BLK: variants seen among roughly 807,000 people sequenced by gnomAD.
BLK encodes BLK proto-oncogene, Src family tyrosine kinase.
BLK carries 64 observed loss-of-function variants against 61.8 expected under a neutral mutation model. That is an observed-to-expected ratio of 1.03 (90% confidence interval 0.85 to 1.27). The LOEUF is 1.27. BLK is among the 50% of genes most tolerant of loss of function. The probability of loss-of-function intolerance (pLI) is 0.00; values close to 1 mark genes in which losing one functional copy is unlikely to be tolerated. For missense variants in BLK, 853 were observed against 660.5 expected, an observed-to-expected ratio of 1.29 and a Z score of -3.19; for synonymous variants, 351 against 272.0, an observed-to-expected ratio of 1.29 and a Z score of -2.86.
intron 1 of BLK, among the ~76,000 whole-genome samples, chr8:11,541,383 A>T (rs1206942283): frequency 6.6e-6 from 1 of 152,232 alleles, no homozygotes; most frequent in Non-Finnish European, 1.5e-5. Flanking sequence ...AAAATTTACC[A>T]ACATAATTTA....
intron 10 of BLK, chr8:11,560,781 C>T (rs1468267718): frequency 2.2e-6 from 1 of 445,574 alleles, no homozygotes; most frequent in Admixed American, 2.4e-5. Context: ...GCCTCAACCC[C>T]CTGCCCTGGA....
At chr8:11,546,668 C>T (rs540855709) in intron 3 of BLK, among the ~76,000 whole-genome samples, 7 of 152,306 alleles carry the variant, frequency 4.6e-5, no homozygotes, top group Non-Finnish European at 7.3e-5. Context: ...CTCCACCTCC[C>T]GGGTTCAAGA....
intron 1 of BLK, among the ~76,000 whole-genome samples, chr8:11,514,462 G>T (rs544271635): frequency 6.6e-6 from 1 of 152,258 alleles, no homozygotes; most frequent in African/African-American, 2.4e-5. Flanking sequence ...GGCCATCCCA[G>T]GTCTCAGAAG....
chr8:11,505,043 C>T (rs1218418673), intron 1 of BLK, among the ~76,000 whole-genome samples: 1 of 152,142 alleles, frequency 6.6e-6, no homozygotes, highest in Non-Finnish European at 1.5e-5. Flanking sequence ...GACACCCACA[C>T]ATATACACAC....
chr8:11,518,222 T>C (rs1037725644), intron 1 of BLK, among the ~76,000 whole-genome samples: 5 of 152,192 alleles, frequency 3.3e-5, no homozygotes, highest in Admixed American at 1.3e-4. Context: ...AAGCATGGAC[T>C]CTCAGAATCA....
Position 11,557,952 on chromosome 8 carries a change from C to G in BLK, c.953-10C>G. ...TTGCAGAAGGGCACTTGCAACTTCTCTTTTCTTAGGATGCCTGCTGGATTT... is the reference window on the plus strand; with the variant it reads ...TTGCAGAAGGGCACTTGCAACTTCTGTTTTCTTAGGATGCCTGCTGGATTT... On this transcript the variant is annotated splice_polypyrimidine_tract_variant and intron_variant, in intron 9 of 12. Transcript: ENST00000259089. 1 of 1,613,702 alleles carries G rather than the reference C, an allele frequency of 6.2e-7. No individual in the cohort carries two copies. Among genetic ancestry groups the G allele is most frequent in the Non-Finnish European group, 8.5e-7 (1 of 1,179,714 alleles).
chr8:11,526,808 G>T (rs991171082), intron 1 of BLK, among the ~76,000 whole-genome samples: 7 of 152,136 alleles, frequency 4.6e-5, no homozygotes, highest in Admixed American at 3.3e-4. Flanking sequence ...AACTTTTTCA[G>T]TTGAAAATCA....
chr8:11,559,925 C>T (rs898515061), intron 10 of BLK: 3 of 441,962 alleles, frequency 6.8e-6, no homozygotes, highest in Non-Finnish European at 1.4e-5. Flanking sequence ...TGGGCAGCTT[C>T]TTCTTGAAAG....
chr8:11,547,232 G>A (rs569408586), intron 3 of BLK, among the ~76,000 whole-genome samples: 1 of 152,248 alleles, frequency 6.6e-6, no homozygotes, highest in Non-Finnish European at 1.5e-5. Context: ...TAAAACTTCA[G>A]GGAACCACTG....
At position 11,521,052 on chromosome 8, in the gene BLK, A is replaced by C. The variant is rs1299857779; in HGVS notation, c.-1-22172A>C. On this transcript the variant is annotated intron_variant, in intron 1 of 12. Coordinates refer to ENST00000259089, the MANE Select transcript of BLK (RefSeq NM_001715.3). ...AAAAAAGAACTGAAACTGTATCATT[A>C]AACTGGAGTAATTAATTTATGTGGT... 2.6e-5 allele frequency among the ~76,000 whole-genome samples: 4 copies of C among 152,240 alleles called. No individual in the cohort carries two copies. In the East Asian group the frequency reaches 7.7e-4, roughly 29 times the overall value.
intron 1 of BLK, among the ~76,000 whole-genome samples, chr8:11,534,307 C>T (rs977818862): frequency 2.0e-5 from 3 of 152,194 alleles, no homozygotes; most frequent in African/African-American, 7.2e-5. Flanking sequence ...ATACAAGACA[C>T]AACTGTAGTT....
At chr8:11,517,814 A>G (rs1799286094) in intron 1 of BLK, among the ~76,000 whole-genome samples, 1 of 152,314 alleles carries the variant, frequency 6.6e-6, no homozygotes, top group South Asian at 2.1e-4. Flanking sequence ...GTCCTGTCAC[A>G]GGGAGAAAGT....
intron 1 of BLK, among the ~76,000 whole-genome samples, chr8:11,516,612 C>T (rs150488460): frequency 9.2e-5 from 14 of 152,316 alleles, no homozygotes; most frequent in Non-Finnish European, 1.5e-4. Context: ...GCCCCTGACA[C>T]CTGTTACTCT....
rs529795050 is a variant in BLK, at chr8:11,520,325, G to A, written c.-1-22899G>A. ...AAACCTCCCTCTATAAAATTTACAA[G>A]AACTAGCCAGGTGTGGTGGTGCATG... On this transcript the variant is annotated intron_variant, in intron 1 of 12. Transcript: ENST00000259089. Among the ~76,000 whole-genome samples, 4 of 151,678 alleles carry A rather than the reference G, an allele frequency of 2.6e-5. No individual in the cohort carries two copies. In the East Asian group the frequency reaches 7.7e-4, roughly 29 times the overall value.
Position 11,555,337 on chromosome 8 carries a change from G to A in BLK, c.625G>A (p.Gly209Arg), listed in dbSNP as rs1801148037. The change falls in exon 8 of 13, where the codon GGG becomes AGG. Residue 209 changes from glycine to arginine, a missense_variant. Coordinates refer to ENST00000259089, the MANE Select transcript of BLK (RefSeq NM_001715.3). Reference sequence around the variant, plus strand: ...TCTTTTCTTCCCTAATGCAGAGAAGGGGGATGGTCTATGCCAGAGGCTGAC... The same window carrying A: ...TCTTTTCTTCCCTAATGCAGAGAAGAGGGATGGTCTATGCCAGAGGCTGAC... Reference protein sequence around the residue: ...QALVQHYSKKGDGLCQRLTLP... With the variant: ...QALVQHYSKKRDGLCQRLTLP... The A allele has an allele frequency of 3.1e-6, 5 of 1,613,960 alleles. No homozygotes were observed. The highest frequency in any genetic ancestry group is 4.2e-6 in the Non-Finnish European group (5 of 1,180,030).
rs533187041 is a variant in BLK, at chr8:11,551,650, G to C, written c.472+1388G>C. On this transcript the variant is annotated intron_variant, in intron 6 of 12. Coordinates refer to ENST00000259089, the MANE Select transcript of BLK (RefSeq NM_001715.3). Reference sequence around the variant, plus strand: ...GAATCCCGGGTGTGACCATTCCAGAGTCAAGTTAGCCATTCTCATGTTGTG... The same window carrying C: ...GAATCCCGGGTGTGACCATTCCAGACTCAAGTTAGCCATTCTCATGTTGTG... Among the ~76,000 whole-genome samples the C allele has an allele frequency of 3.3e-5, 5 of 152,286 alleles. No individual in the cohort carries two copies. The East Asian group carries it at 9.6e-4, about 29-fold the overall frequency.
chr8:11,555,161 G>A (rs540432334), intron 7 of BLK, among the ~76,000 whole-genome samples, 171 bp from the exon 8 acceptor site: 5 of 152,256 alleles, frequency 3.3e-5, no homozygotes, highest in Admixed American at 2.0e-4. Flanking sequence ...CCTGCTTTGC[G>A]CAAACGAAGA....
chr8:11,534,167 G>T (rs1316564914), intron 1 of BLK, among the ~76,000 whole-genome samples: 1 of 152,214 alleles, frequency 6.6e-6, no homozygotes, highest in African/African-American at 2.4e-5. Context: ...GAACTATTGT[G>T]CCAAAGAATC....
In BLK at chr8:11,561,472, A is replaced by T. The variant is rs1192744242; in HGVS notation, c.1180+20A>T. On this transcript the variant is annotated intron_variant, in intron 11 of 12. Coordinates refer to ENST00000259089, the MANE Select transcript of BLK (RefSeq NM_001715.3). ...AAGAGGGTAAGCACAGCCCCTAACCACAAGGGAAACCTAGGGCCTTATCTT... is the reference window on the plus strand; with the variant it reads ...AAGAGGGTAAGCACAGCCCCTAACCTCAAGGGAAACCTAGGGCCTTATCTT... The T allele has an allele frequency of 6.2e-7, 1 of 1,612,380 alleles. No individual in the cohort carries two copies.
Sources: allele counts gnomAD v4.1 joint callset (sites outside exome capture counted in the v4.1 genomes callset), GRCh38; gene constraint gnomAD v4.1.1; transcripts MANE v1.5; gene names NCBI Gene and HGNC (gene_info 2026-07-23, HGNC 2026-07-21).